Variants in ZNF654 observed in about 807,000 individuals in gnomAD.
The protein encoded by ZNF654 is melanoma-associated antigen.
A neutral mutation model predicts 95.3 loss-of-function variants in ZNF654; 19 were observed. That is an observed-to-expected ratio of 0.20 (90% CI 0.14 to 0.29). The LOEUF (loss-of-function observed/expected upper bound fraction) is 0.29, where lower values mean the gene tolerates loss of function less well. Among genes scored for constraint, ZNF654 ranks in the 10% least tolerant of loss-of-function variants. ZNF654 has a pLI of 1.00. For missense variants in ZNF654, 1,046 were observed against 1,341.0 expected (o/e 0.78, Z 3.44); for synonymous variants, 413 against 457.9 (o/e 0.90, Z 1.25).
At chr3:88,095,156 A>C (rs1344851896) in intron 2 of ZNF654, among the ~76,000 whole-genome samples, 2 of 152,158 alleles carry the variant, frequency 1.3e-5, no homozygotes, top group Non-Finnish European at 2.9e-5. Flanking sequence ...TTTATAAGAA[A>C]AAATTTGCTC....
rs747122309 is a variant in ZNF654, at chr3:88,059,446, G to C, written c.127G>C (p.Gly43Arg). The stretch of plus-strand genomic sequence containing the variant: ...CGACGGCAGAGGCGGCGCTGGCAGC[G>C]GCAACTGCGGCGGCGGCGTCGGAAT... ...AGDGRGGAGS[G>R]NCGGGVGISS... Residue 43 changes from glycine to arginine, a missense_variant, in exon 1 of 9, where the codon GGC (glycine) becomes CGC (arginine). Physicochemically the swap from Gly to Arg is moderately radical, Grantham distance 125 (BLOSUM62 -2). Around this residue, in one of 9 missense-constraint regions of ZNF654, gnomAD observed 89 missense variants for 77.9 expected, o/e 1.14. Coordinates refer to ENST00000636215, the MANE Select transcript of ZNF654 (RefSeq NM_001350134.2). 5 of 1,520,842 alleles carry C rather than the reference G, an allele frequency of 3.3e-6. No homozygotes were observed. The South Asian group carries it at 3.6e-5, about 11-fold the overall frequency. The allele number at this position is 1,520,842 out of a possible 1,614,324, so 94.2% of individuals were successfully genotyped here. A position where few individuals can be genotyped will look rare whatever the true frequency, so the allele number is the denominator to read the frequency against.
At chr3:88,072,128 T>C (rs1212873499) in intron 1 of ZNF654, among the ~76,000 whole-genome samples, 2 of 152,182 alleles carry the variant, frequency 1.3e-5, no homozygotes, top group African/African-American at 4.8e-5. Flanking sequence ...TTAGTGATTA[T>C]AGGGAATTTA....
chr3:88,102,696 A>G (rs1360249449), intron 2 of ZNF654, among the ~76,000 whole-genome samples: 1 of 152,136 alleles, frequency 6.6e-6, no homozygotes, highest in Non-Finnish European at 1.5e-5. Context: ...ACCAACAACA[A>G]AACCCATATT....
chr3:88,125,193 C>A (rs4555548), intron 3 of ZNF654, among the ~76,000 whole-genome samples: 117,931 of 150,032 alleles, frequency 0.79, 47,126 homozygotes, highest in South Asian at 0.91. Context: ...CCAGCCTGGG[C>A]ATCAAAGTTA....
chr3:88,114,357 G>C (rs2107771890), intron 3 of ZNF654, among the ~76,000 whole-genome samples: 2 of 152,282 alleles, frequency 1.3e-5, no homozygotes, highest in South Asian at 4.1e-4. Flanking sequence ...TGGAGTAGAT[G>C]AGGGACAATA....
chr3:88,059,435 G>C lies in ZNF654; in HGVS notation c.116G>C (p.Gly39Ala). ...AGAGCTGCGGGCGACGGCAGAGGCG[G>C]CGCTGGCAGCGGCAACTGCGGCGGC... is the stretch of plus-strand genomic sequence containing the variant. ...GLRAAGDGRG[G>A]AGSGNCGGGV... is the part of the protein sequence containing the mutation. The change falls in exon 1 of 9, where the codon GGC becomes GCC. Residue 39 changes from glycine (G) to alanine (A), a missense_variant. By Grantham distance (60) the Gly-to-Ala change is moderately conservative. This residue lies in a region of ZNF654 where 89 missense variants were observed against 77.9 expected (regional missense o/e 1.14). Transcript: ENST00000636215. The C allele has an allele frequency of 1.3e-6, 2 of 1,521,888 alleles. No homozygotes were observed. The highest frequency in any genetic ancestry group is 2.4e-5 in the South Asian group (2 of 82,734). 94.3% of individuals were successfully genotyped at this position (1,521,888 alleles called of 1,614,324 possible). A position where few individuals can be genotyped will look rare whatever the true frequency, so the allele number is the denominator to read the frequency against.
Position 88,139,640 on chromosome 3 carries a change from T to C in ZNF654, c.1971T>C (p.His657=). 1.2e-6 allele frequency: 2 copies of C among 1,613,012 alleles called. No homozygotes were observed. The highest frequency in any genetic ancestry group is 1.7e-6 in the Non-Finnish European group (2 of 1,179,410). The change falls in exon 8 of 9, where the codon CAT becomes CAC. Residue 657 remains histidine (H), a synonymous_variant. Coordinates refer to ENST00000636215, the MANE Select transcript of ZNF654 (RefSeq NM_001350134.2). ...GAAACAAAGAAGTCATCCCTGAGCATGTGGCTGAATTCATTGAAATTCCCA... is the reference window on the plus strand; with the variant it reads ...GAAACAAAGAAGTCATCCCTGAGCACGTGGCTGAATTCATTGAAATTCCCA... ...SEGNKEVIPE[H]VAEFIEIPIS... is the part of the protein sequence containing the mutation.
intron 2 of ZNF654, among the ~76,000 whole-genome samples, chr3:88,088,879 TCTC>T (rs1708486408): frequency 6.6e-6 from 1 of 151,654 alleles, no homozygotes. Context: ...TTCAAGCAAT[TCTC>T]CTGCCTCAGC....
At chr3:88,094,741 TAA>T in intron 2 of ZNF654, among the ~76,000 whole-genome samples, 1 of 152,136 alleles carries the variant, frequency 6.6e-6, no homozygotes, top group Admixed American at 6.6e-5. Context: ...TTGAATGGCT[TAA>T]TCTTGTGCTA....
intron 4 of ZNF654, among the ~76,000 whole-genome samples, chr3:88,126,868 T>G (rs1278891651): frequency 1.3e-5 from 2 of 152,210 alleles, no homozygotes; most frequent in African/African-American, 4.8e-5. Flanking sequence ...ACTTCATGCA[T>G]TAGAAGTTTT....
Position 88,129,837 on chromosome 3 carries a change from G to A in ZNF654, c.893+11G>A. 1 of 1,406,922 alleles carries A rather than the reference G, an allele frequency of 7.1e-7. No homozygotes were observed. The highest frequency in any genetic ancestry group is 9.3e-7 in the Non-Finnish European group (1 of 1,071,178). 87.2% of individuals were successfully genotyped at this position (1,406,922 alleles called of 1,614,324 possible). A position where few individuals can be genotyped will look rare whatever the true frequency, so the allele number is the denominator to read the frequency against. On this transcript the variant is annotated intron_variant, in intron 6 of 8. Coordinates refer to ENST00000636215, the MANE Select transcript of ZNF654 (RefSeq NM_001350134.2). ...TATGTACTGTATCTGGTAAGTGTTT[G>A]TAAATAAAGAAATTGAAATGGTAAG...
chr3:88,097,599 A>G (rs1409394163), intron 2 of ZNF654, among the ~76,000 whole-genome samples: 1 of 152,178 alleles, frequency 6.6e-6, no homozygotes, highest in Non-Finnish European at 1.5e-5. Context: ...ACTCCTCAGC[A>G]AATGTAAAAG....
rs1378024066 is a variant in ZNF654, at chr3:88,142,856, T to C, written c.*1204T>C. 6.6e-6 allele frequency: 1 copy of C among 152,268 alleles called. No homozygotes were observed. The highest frequency in any genetic ancestry group is 2.4e-5 in the African/African-American group (1 of 41,414). The allele number at this position is 152,268 out of a possible 1,614,324, so 9.4% of individuals were successfully genotyped here. A position where few individuals can be genotyped will look rare whatever the true frequency, so the allele number is the denominator to read the frequency against. On this transcript the variant is annotated 3_prime_UTR_variant, in exon 9 of 9. Transcript: ENST00000636215. ...AGCATTGTTTTCCTTAGTGATGTTA[T>C]TTTCCTAAGAAGATTTTAACTTAAT...
intron 4 of ZNF654, among the ~76,000 whole-genome samples, chr3:88,126,579 C>CTTT (rs144091813): frequency 8.6e-5 from 7 of 81,768 alleles, no homozygotes; most frequent in East Asian, 4.0e-4. Context: ...GTAGAAACAT[C>CTTT]TTTTTTTTTT....
Position 88,141,641 on chromosome 3 carries a change from A to G in ZNF654, c.3380-4A>G. 1 of 1,507,892 alleles carries G rather than the reference A, an allele frequency of 6.6e-7. No individual in the cohort carries two copies. Among genetic ancestry groups the G allele is most frequent in the Non-Finnish European group, 9.0e-7 (1 of 1,114,784 alleles). The allele number at this position is 1,507,892 out of a possible 1,614,324, so 93.4% of individuals were successfully genotyped here. A position where few individuals can be genotyped will look rare whatever the true frequency, so the allele number is the denominator to read the frequency against. Reference sequence around the variant, plus strand: ...TGCATTAACAGATGTGTTCTGTTTTACAGGTGCCTGATGAAAACGGTTCAG... The same window carrying G: ...TGCATTAACAGATGTGTTCTGTTTTGCAGGTGCCTGATGAAAACGGTTCAG... On this transcript the variant is annotated splice_polypyrimidine_tract_variant and splice_region_variant and intron_variant, in intron 8 of 8. Coordinates refer to ENST00000636215, the MANE Select transcript of ZNF654 (RefSeq NM_001350134.2).
intron 1 of ZNF654, among the ~76,000 whole-genome samples, chr3:88,078,308 T>G (rs572408772): frequency 6.6e-6 from 1 of 152,326 alleles, no homozygotes; most frequent in Admixed American, 6.5e-5. Flanking sequence ...CTTCATTTTA[T>G]TTTTGGAACT....
chr3:88,102,744 C>T (rs1704499800), intron 2 of ZNF654, among the ~76,000 whole-genome samples: 1 of 149,548 alleles, frequency 6.7e-6, no homozygotes, highest in Admixed American at 6.7e-5. Context: ...ATATGCTCCA[C>T]AATAAAGCCC....
At position 88,140,265 on chromosome 3, in the gene ZNF654, G is replaced by A. The variant is rs750818066; in HGVS notation, c.2596G>A (p.Ala866Thr). 3 of 1,613,804 alleles carry A rather than the reference G, an allele frequency of 1.9e-6. No homozygotes were observed. The South Asian group carries it at 3.3e-5, about 18-fold the overall frequency. The change falls in exon 8 of 9, where the codon GCT (alanine) becomes ACT (threonine). Residue 866 changes from alanine (A) to threonine (T), a missense_variant. Coordinates refer to ENST00000636215, the MANE Select transcript of ZNF654 (RefSeq NM_001350134.2). The stretch of plus-strand genomic sequence containing the variant: ...TCTTCCTCTGCTGTATGAACATGAA[G>A]CTCAACACTATTTAAGTAAAACACC... ...EDLPLLYEHEAQHYLSKTPES... is the reference protein window; with the variant it reads ...EDLPLLYEHETQHYLSKTPES...
intron 2 of ZNF654, among the ~76,000 whole-genome samples, chr3:88,087,722 T>C (rs920800013): frequency 1.3e-5 from 2 of 152,224 alleles, no homozygotes; most frequent in Admixed American, 6.5e-5. Flanking sequence ...AGAGTATGTC[T>C]CATAGGATAA....
Sources: gnomAD v4.1 joint callset for allele counts (sites outside exome capture counted in the v4.1 genomes callset) on GRCh38, gnomAD v4.1.1 for gene constraint, gnomAD v4.1.1 regional missense constraint, MANE v1.5 for transcripts, NCBI Gene and HGNC (gene_info 2026-07-23, HGNC 2026-07-21) for gene names.